The following HDAC9 variants were observed in gnomAD, a reference collection of about 807,000 sequenced individuals.
The protein encoded by HDAC9 is histone deacetylase 9.
A neutral mutation model predicts 139.4 loss-of-function variants in HDAC9; 41 were observed. That is an observed-to-expected ratio of 0.29 (90% CI 0.23 to 0.38). The LOEUF is 0.38. Among genes scored for constraint, HDAC9 ranks in the 10% least tolerant of loss-of-function variants. The pLI, the probability that HDAC9 is intolerant of heterozygous loss-of-function variation, is 1.00. For missense variants in HDAC9, 1,147 were observed against 1,297.0 expected (o/e 0.88, Z 1.78); for synonymous variants, 517 against 476.2 (o/e 1.09, Z -1.12).
At position 18,173,188 on chromosome 7, in the gene HDAC9, C is replaced by T. The variant is rs1032074247; in HGVS notation, c.25+10839C>T. Among the ~76,000 whole-genome samples, 13 of 152,126 alleles carry T rather than the reference C, an allele frequency of 8.5e-5. 1 individual carries two copies. Among genetic ancestry groups the T allele is most frequent in the African/African-American group, 2.7e-4 (11 of 41,430 alleles). On this transcript the variant is annotated intron_variant, in intron 2 of 12. Coordinates refer to the HDAC9 transcript ENST00000417496. Reference sequence around the variant, plus strand: ...GGTTAGCTCTTCTTGTTGAATTGATCCCTTTACCATTATGTAATGGCCTGC... The same window carrying T: ...GGTTAGCTCTTCTTGTTGAATTGATTCCTTTACCATTATGTAATGGCCTGC...
At chr7:18,433,189 C>G (rs1427115666) in intron 1 of HDAC9, among the ~76,000 whole-genome samples, 1 of 152,116 alleles carries the variant, frequency 6.6e-6, no homozygotes, top group Non-Finnish European at 1.5e-5. Context: ...TGATAAAATT[C>G]AACATTCTTT....
intron 23 of HDAC9, among the ~76,000 whole-genome samples, chr7:18,945,234 T>A (rs2129317653): frequency 6.6e-6 from 1 of 152,332 alleles, no homozygotes; most frequent in Non-Finnish European, 1.5e-5. Context: ...CTGTTGGAGG[T>A]GTAGTAGTAT....
In HDAC9 at chr7:18,099,199, C is replaced by T. The variant is rs555265825; in HGVS notation, c.-97+11986C>T. On this transcript the variant is annotated intron_variant, in intron 1 of 12. Coordinates refer to the HDAC9 transcript ENST00000417496. ...GTTCATCTGGGTGTGTTGGCTCACGCCTGTAATCCCAGCACTTTGGGAGGC... is the reference window on the plus strand; with the variant it reads ...GTTCATCTGGGTGTGTTGGCTCACGTCTGTAATCCCAGCACTTTGGGAGGC... 2.0e-5 allele frequency among the ~76,000 whole-genome samples: 3 copies of T among 152,288 alleles called. No homozygotes were observed. The East Asian group carries it at 5.8e-4, about 29-fold the overall frequency.
intron 2 of HDAC9, among the ~76,000 whole-genome samples, chr7:18,219,611 C>G (rs1326414580): frequency 6.6e-6 from 1 of 152,068 alleles, no homozygotes; most frequent in Non-Finnish European, 1.5e-5. Context: ...TAAAAACACT[C>G]TCAGTGTTTC....
chr7:18,673,954 G>T (rs141908367), intron 12 of HDAC9, among the ~76,000 whole-genome samples: 2 of 151,972 alleles, frequency 1.3e-5, no homozygotes, highest in African/African-American at 4.8e-5. Context: ...TTCACTTACC[G>T]CTCCATTCTC....
rs564031777 is a variant in HDAC9 at position 18,249,654 on chromosome 7, C to T, written c.25+87305C>T. Among the ~76,000 whole-genome samples, 3 of 152,016 alleles carry T rather than the reference C, an allele frequency of 2.0e-5. No homozygotes were observed. The South Asian group carries it at 6.2e-4, about 32-fold the overall frequency. On this transcript the variant is annotated intron_variant, in intron 2 of 12. Transcript: ENST00000417496. ...CTGCTCCCCACAGGCACCTACCATT[C>T]TACCCCCAAATTAACTCTTTCTTAT...
At chr7:18,361,930 C>T (rs1277479747) in intron 1 of HDAC9, among the ~76,000 whole-genome samples, 1 of 152,180 alleles carries the variant, frequency 6.6e-6, no homozygotes, top group Non-Finnish European at 1.5e-5. Context: ...TTCTTCCCTT[C>T]TCTCCTTGCC....
At chr7:18,830,334 T>A (rs1160427177) in intron 19 of HDAC9, among the ~76,000 whole-genome samples, 2 of 152,190 alleles carry the variant, frequency 1.3e-5, no homozygotes, top group Non-Finnish European at 2.9e-5. Flanking sequence ...TGTAATAGGT[T>A]GTCTGACAAA....
intron 12 of HDAC9, among the ~76,000 whole-genome samples, chr7:18,707,504 C>T (rs1355382197): frequency 6.6e-6 from 1 of 152,074 alleles, no homozygotes; most frequent in Admixed American, 6.6e-5. Flanking sequence ...GAATATACAG[C>T]CCCTAACAGG....
intron 11 of HDAC9, among the ~76,000 whole-genome samples, chr7:18,660,151 CTG>C (rs1390624211): frequency 6.6e-6 from 1 of 152,158 alleles, no homozygotes; most frequent in African/African-American, 2.4e-5. Flanking sequence ...AAGAATTTCT[CTG>C]TGACTTTTGT....
chr7:18,859,132 A>G (rs1159676760), intron 21 of HDAC9, among the ~76,000 whole-genome samples: 2 of 152,152 alleles, frequency 1.3e-5, no homozygotes, highest in South Asian at 4.1e-4. Context: ...CTTACTGTCT[A>G]TAATTGGGAT....
intron 1 of HDAC9, among the ~76,000 whole-genome samples, chr7:18,308,559 AG>A (rs1422389236): frequency 2.0e-5 from 3 of 152,168 alleles, no homozygotes; most frequent in African/African-American, 7.2e-5. Flanking sequence ...TGTACTCAGT[AG>A]GTGATTGAAG....
At chr7:18,143,240 C>T (rs1786044119) in intron 1 of HDAC9, among the ~76,000 whole-genome samples, 1 of 152,158 alleles carries the variant, frequency 6.6e-6, no homozygotes, top group South Asian at 2.1e-4. Context: ...TAATTCTTTT[C>T]AGAACCTGGA....
At chr7:18,882,858 A>G (rs2129257877) in intron 22 of HDAC9, among the ~76,000 whole-genome samples, 1 of 152,114 alleles carries the variant, frequency 6.6e-6, no homozygotes, top group South Asian at 2.1e-4. Context: ...GGTGTTTCAG[A>G]CTCCTGTTTG....
At chr7:18,457,371 T>G (rs1308034254) in intron 1 of HDAC9, among the ~76,000 whole-genome samples, 1 of 152,156 alleles carries the variant, frequency 6.6e-6, no homozygotes, top group Non-Finnish European at 1.5e-5. Flanking sequence ...GTGAATATAT[T>G]TGTGAAGAAA....
At chr7:18,989,335 C>A (rs528605794) in intron 25 of HDAC9, among the ~76,000 whole-genome samples, 1 of 151,574 alleles carries the variant, frequency 6.6e-6, no homozygotes, top group Non-Finnish European at 1.5e-5. Flanking sequence ...CTTAGTTTGG[C>A]TGGATATGAA....
chr7:18,922,483 C>T (rs967641524), intron 22 of HDAC9, among the ~76,000 whole-genome samples: 2 of 151,958 alleles, frequency 1.3e-5, no homozygotes, highest in African/African-American at 4.8e-5. Flanking sequence ...GGTAGAAGGA[C>T]CTCAGTGGAA....
intron 1 of HDAC9, among the ~76,000 whole-genome samples, chr7:18,136,262 A>G (rs1398694665): frequency 1.3e-5 from 2 of 150,278 alleles, no homozygotes; most frequent in East Asian, 3.9e-4. Context: ...TTGCCTGTTC[A>G]CTCTGATGGT....
intron 1 of HDAC9, among the ~76,000 whole-genome samples, chr7:18,126,662 AG>A (rs1211625955): frequency 6.6e-6 from 1 of 152,172 alleles, no homozygotes; most frequent in African/African-American, 2.4e-5. Flanking sequence ...TGTTTATTAC[AG>A]TTGGCTGGAG....
Sources: gnomAD v4.1 joint callset for allele counts (sites outside exome capture counted in the v4.1 genomes callset) on GRCh38, gnomAD v4.1.1 for gene constraint, MANE v1.5 for transcripts, NCBI Gene and HGNC (gene_info 2026-07-23, HGNC 2026-07-21) for gene names.